Variants in MAGI1 observed in about 807,000 individuals in gnomAD.
The protein encoded by MAGI1 is membrane associated guanylate kinase, WW and PDZ domain containing 1, also known as membrane-associated guanylate kinase, WW and PDZ domain-containing protein 1.
MAGI1 carries 58 observed loss-of-function variants against 139.9 expected under a neutral mutation model. That is an observed-to-expected ratio of 0.41 (90% CI 0.34 to 0.52). MAGI1 has a LOEUF of 0.52. MAGI1 is among the 20% of genes least tolerant of loss of function. The probability of loss-of-function intolerance (pLI) is 0.12; values close to 1 mark genes in which losing one functional copy is unlikely to be tolerated. For missense variants in MAGI1, 1,874 were observed against 1,901.6 expected (o/e 0.99, Z 0.27); for synonymous variants, 812 against 737.9 (o/e 1.10, Z -1.63).
intron 1 of MAGI1, among the ~76,000 whole-genome samples, chr3:65,991,226 T>C (rs1477110452): frequency 1.4e-5 from 2 of 139,550 alleles, no homozygotes; most frequent in Non-Finnish European, 3.0e-5. Context: ...AAGGTGGCGG[T>C]TGCAATGAGC....
At chr3:65,611,247 C>T (rs894629154) in intron 2 of MAGI1, among the ~76,000 whole-genome samples, 22 of 139,246 alleles carry the variant, frequency 1.6e-4, no homozygotes, top group African/African-American at 5.5e-4. Flanking sequence ...ACTATATATA[C>T]TATATACATA....
chr3:66,004,828 C>T (rs1170651397), intron 1 of MAGI1, among the ~76,000 whole-genome samples: 1 of 152,124 alleles, frequency 6.6e-6, no homozygotes, highest in African/African-American at 2.4e-5. Flanking sequence ...GGCAAAAGAT[C>T]ACAGGAGAGA....
chr3:65,412,006 G>C (rs1166049711), intron 12 of MAGI1, among the ~76,000 whole-genome samples: 1 of 152,174 alleles, frequency 6.6e-6, no homozygotes, highest in Admixed American at 6.5e-5. Flanking sequence ...CGAGGCCAGA[G>C]ACAACTTTAA....
chr3:65,617,290 A>G (rs2107006792), intron 2 of MAGI1, among the ~76,000 whole-genome samples: 1 of 152,298 alleles, frequency 6.6e-6, no homozygotes, highest in East Asian at 1.9e-4. Flanking sequence ...AAGAAAGATG[A>G]CAGTTGAGTC....
chr3:65,507,811 C>G (rs1293931491), intron 2 of MAGI1, among the ~76,000 whole-genome samples: 1 of 152,078 alleles, frequency 6.6e-6, no homozygotes, highest in Non-Finnish European at 1.5e-5. Flanking sequence ...ATGTTATGGA[C>G]TATATAGTTT....
chr3:65,902,283 C>G (rs750791492), intron 1 of MAGI1, among the ~76,000 whole-genome samples: 5 of 152,156 alleles, frequency 3.3e-5, no homozygotes, highest in African/African-American at 4.8e-5. Flanking sequence ...CTCCCACCTC[C>G]AAAGTATCTG....
intron 6 of MAGI1, chr3:65,448,288 C>T: frequency 1.7e-6 from 1 of 586,766 alleles, no homozygotes; most frequent in South Asian, 2.1e-5. Flanking sequence ...TGGCTCATTT[C>T]CTTGCATGTC....
At chr3:65,408,152 T>C (rs894112091) in intron 12 of MAGI1, among the ~76,000 whole-genome samples, 2 of 152,214 alleles carry the variant, frequency 1.3e-5, no homozygotes, top group Non-Finnish European at 2.9e-5. Flanking sequence ...AAATCATCCT[T>C]GTCCAAGTAT....
At chr3:65,620,649 G>A (rs2083614707) in intron 2 of MAGI1, among the ~76,000 whole-genome samples, 2 of 152,200 alleles carry the variant, frequency 1.3e-5, no homozygotes, top group African/African-American at 4.8e-5. Flanking sequence ...TAGGACTACA[G>A]TTTATAACTT....
At chr3:65,875,446 G>A (rs1364815275) in intron 1 of MAGI1, among the ~76,000 whole-genome samples, 2 of 152,176 alleles carry the variant, frequency 1.3e-5, no homozygotes, top group Admixed American at 1.3e-4. Context: ...GGAAAAAGGA[G>A]AATAAATGAC....
At chr3:65,855,635 A>AGGAGAGAGGGGAGGGGAC (rs2059354330) in intron 1 of MAGI1, among the ~76,000 whole-genome samples, 4 of 13,576 alleles carry the variant, frequency 2.9e-4, no homozygotes, top group Non-Finnish European at 2.7e-4. Flanking sequence ...GGGGAGGGGA[A>AGGAGAGAGGGGAGGGGAC]GGGAGAAACA....
chr3:65,999,607 T>A lies in MAGI1; in HGVS notation c.313+38389A>T, dbSNP rs544314288. ...CTTTCAGACCACCTTGGGAAGTTAATCGTTTTCTCCATCTCAAATCACTTT... is the reference window on the plus strand; with the variant it reads ...CTTTCAGACCACCTTGGGAAGTTAAACGTTTTCTCCATCTCAAATCACTTT... On this transcript the variant is annotated intron_variant, in intron 1 of 22. Coordinates refer to ENST00000402939, the MANE Select transcript of MAGI1 (RefSeq NM_001033057.2). 3.3e-5 allele frequency among the ~76,000 whole-genome samples: 5 copies of A among 152,260 alleles called. No homozygotes were observed. In the South Asian group the frequency reaches 1.0e-3, roughly 32 times the overall value.
chr3:65,721,978 C>T (rs1177464535), intron 1 of MAGI1, among the ~76,000 whole-genome samples: 1 of 152,018 alleles, frequency 6.6e-6, no homozygotes, highest in Non-Finnish European at 1.5e-5. Flanking sequence ...GGAATGTCCT[C>T]CCACATTCTC....
intron 1 of MAGI1, among the ~76,000 whole-genome samples, chr3:65,791,282 G>A (rs1393561260): frequency 6.6e-6 from 1 of 152,114 alleles, no homozygotes; most frequent in Non-Finnish European, 1.5e-5. Flanking sequence ...AACCCAAGAG[G>A]GGCGCATCAG....
At chr3:65,575,909 G>A (rs908033776) in intron 2 of MAGI1, among the ~76,000 whole-genome samples, 1 of 152,154 alleles carries the variant, frequency 6.6e-6, no homozygotes, top group African/African-American at 2.4e-5. Context: ...GGAGATACAG[G>A]GTAGAGGAGA....
chr3:65,897,230 T>A (rs1203768501), intron 1 of MAGI1, among the ~76,000 whole-genome samples: 1 of 152,040 alleles, frequency 6.6e-6, no homozygotes, highest in African/African-American at 2.4e-5. Flanking sequence ...AATAGTTCTG[T>A]AATAAACATG....
chr3:65,356,485 C>T lies in MAGI1; in HGVS notation c.4282G>A (p.Glu1428Lys). 1 of 1,611,890 alleles carries T rather than the reference C, an allele frequency of 6.2e-7. No individual in the cohort carries two copies. The highest frequency in any genetic ancestry group is 8.5e-7 in the Non-Finnish European group (1 of 1,180,000). Residue 1428 changes from glutamate (E) to lysine (K), a missense_variant, in exon 23 of 23, where the codon GAA (glutamate) becomes AAA (lysine). Physicochemically the swap from Glu to Lys is moderately conservative, Grantham distance 56 (BLOSUM62 1). This residue lies in a region of MAGI1 where 653 missense variants were observed against 644.5 expected (regional missense o/e 1.01). Transcript: ENST00000402939. ...RNREDRASHR[E>K]REEANLKQDA... ...TGTTTCAGATTCGCCTCTTCCCTTT[C>T]TCGGTGGCTGGCTCTGTCCTCTCTG...
At chr3:65,886,468 C>T (rs2060535507) in intron 1 of MAGI1, among the ~76,000 whole-genome samples, 1 of 152,196 alleles carries the variant, frequency 6.6e-6, no homozygotes, top group Non-Finnish European at 1.5e-5. Context: ...CCCCTTCCTC[C>T]AAACTCTCAG....
intron 1 of MAGI1, among the ~76,000 whole-genome samples, chr3:65,978,786 C>A (rs2065398255): frequency 6.6e-6 from 1 of 152,004 alleles, no homozygotes; most frequent in Non-Finnish European, 1.5e-5. Context: ...CGCCACCACG[C>A]CCAGTTAATT....
Sources: allele counts gnomAD v4.1 joint callset (sites outside exome capture counted in the v4.1 genomes callset), GRCh38; gene constraint gnomAD v4.1.1; regional missense constraint gnomAD v4.1.1; transcripts MANE v1.5; gene names NCBI Gene and HGNC (gene_info 2026-07-23, HGNC 2026-07-21).